The following CCNE1 variants were observed in gnomAD, a reference collection of about 807,000 sequenced individuals.
CCNE1 encodes cyclin E1.
In CCNE1, 8 loss-of-function variants were observed where a neutral mutation model predicts 54.1. The observed-to-expected ratio is 0.15, with a 90% CI of 0.09 to 0.27. The LOEUF (loss-of-function observed/expected upper bound fraction) is 0.27, where lower values mean the gene tolerates loss of function less well. Ranked by LOEUF, CCNE1 falls within the 10% of genes least tolerant of loss-of-function variation. The pLI is 1.00. For synonymous variants in CCNE1, 179 were observed against 185.2 expected, an observed-to-expected ratio of 0.97 and a Z score of 0.27; for missense variants, 430 against 514.9, an observed-to-expected ratio of 0.84 and a Z score of 1.60.
Position 29,822,536 on chromosome 19 carries a change from A to G in CCNE1, c.1043A>G (p.His348Arg). 1 of 1,614,134 alleles carries G rather than the reference A, an allele frequency of 6.2e-7. No homozygotes were observed. Among genetic ancestry groups the G allele is most frequent in the Non-Finnish European group, 8.5e-7 (1 of 1,180,022 alleles). The change falls in exon 11 of 12, where the codon CAC becomes CGC. Residue 348 changes from histidine (H) to arginine (R), a missense_variant. Around this residue, in one of 2 missense-constraint regions of CCNE1, gnomAD observed 303 missense variants for 401.1 expected, o/e 0.76. Transcript: ENST00000262643. ...IRETGSSKLK[H>R]FRGVADEDAH... ...GAGACGGGGAGCTCAAAACTGAAGC[A>G]CTTCAGGGGCGTCGCTGATGAAGAT...
Position 29,812,682 on chromosome 19 carries a change from T to G in CCNE1, c.24-7T>G, listed in dbSNP as rs1315818283. ...CTCACCCGGCCCGGTGCCACCCGGG[T>G]CCACAGGGATGCGAAGGAGCGGGAC... On this transcript the variant is annotated splice_region_variant and splice_polypyrimidine_tract_variant and intron_variant, in intron 2 of 11. Transcript: ENST00000262643. The G allele has an allele frequency of 1.9e-6, 3 of 1,580,852 alleles. No individual in the cohort carries two copies. Among genetic ancestry groups the G allele is most frequent in the Non-Finnish European group, 2.6e-6 (3 of 1,165,678 alleles).
chr19:29,821,546 T>C (rs918293192), intron 7 of CCNE1, among the ~76,000 whole-genome samples, 176 bp from the exon 8 acceptor site: 12 of 117,482 alleles, frequency 1.0e-4, no homozygotes, highest in Admixed American at 3.1e-4. Flanking sequence ...GGAGTTGTGT[T>C]CTTTTTTTTT....
At position 29,812,516 on chromosome 19, in the gene CCNE1, C is replaced by T. The variant is rs1310763192; in HGVS notation, c.-24-16C>T. ...GGCCTGACCCCGCCGCCGCCTCACC[C>T]CGCGCCGCCCCGCAGGCCTCAGGCC... On this transcript the variant is annotated splice_polypyrimidine_tract_variant and intron_variant, in intron 1 of 11. Coordinates refer to ENST00000262643, the MANE Select transcript of CCNE1 (RefSeq NM_001238.4). The T allele has an allele frequency of 7.0e-6, 9 of 1,290,036 alleles. No homozygotes were observed. The highest frequency in any genetic ancestry group is 8.8e-6 in the Non-Finnish European group (9 of 1,026,436). 79.9% of individuals were successfully genotyped at this position (1,290,036 alleles called of 1,614,324 possible).
chr19:29,814,049 G>A (rs1291798951), intron 4 of CCNE1, among the ~76,000 whole-genome samples: 1 of 152,176 alleles, frequency 6.6e-6, no homozygotes, highest in Non-Finnish European at 1.5e-5. Context: ...AATAGCAGTT[G>A]TCACTGCATG....
At chr19:29,819,842 A>G (rs1033902993) in intron 6 of CCNE1, among the ~76,000 whole-genome samples, 3 of 152,182 alleles carry the variant, frequency 2.0e-5, no homozygotes, top group Admixed American at 6.5e-5. Flanking sequence ...GCTTCATGAA[A>G]ACATGTAGAA....
rs1392404768 is a variant in CCNE1 at position 29,822,535 on chromosome 19, C to T, written c.1042C>T (p.His348Tyr). 1 of 1,614,114 alleles carries T rather than the reference C, an allele frequency of 6.2e-7. No individual in the cohort carries two copies. Residue 348 changes from histidine to tyrosine, a missense_variant, in exon 11 of 12, where the codon CAC becomes TAC. His to Tyr is a moderately conservative substitution (Grantham distance 83). Coordinates refer to ENST00000262643, the MANE Select transcript of CCNE1 (RefSeq NM_001238.4). ...GGAGACGGGGAGCTCAAAACTGAAG[C>T]ACTTCAGGGGCGTCGCTGATGAAGA... ...IRETGSSKLK[H>Y]FRGVADEDAH...
intron 2 of CCNE1, 48 bp from the exon 3 acceptor site, chr19:29,812,641 G>A: frequency 6.4e-7 from 1 of 1,554,690 alleles, no homozygotes; most frequent in Non-Finnish European, 8.7e-7. Flanking sequence ...GCGTGGGGGA[G>A]GGGCGGCCGC....
intron 4 of CCNE1, among the ~76,000 whole-genome samples, chr19:29,816,563 G>A (rs995568684): frequency 1.6e-4 from 25 of 152,074 alleles, no homozygotes; most frequent in African/African-American, 5.1e-4. Context: ...TGTTTGTTTC[G>A]AGTTAAGGAA....
In CCNE1 at chr19:29,820,798, C is replaced by T. The variant is rs761652754; in HGVS notation, c.559C>T (p.Leu187Phe). Residue 187 changes from leucine to phenylalanine, a missense_variant, in exon 7 of 12, where the codon CTT becomes TTT. Leu to Phe is a conservative substitution (Grantham distance 22, BLOSUM62 0). This residue lies in a region of CCNE1 where 303 missense variants were observed against 401.1 expected (regional missense o/e 0.76). Coordinates refer to ENST00000262643, the MANE Select transcript of CCNE1 (RefSeq NM_001238.4). The part of the protein sequence containing the change: ...MATQENVVKT[L>F]LQLIGISSLF... ...GACACAAGAAAATGTTGTAAAAACT[C>T]TTTTACAGCTTATTGGGATTTCATC... 1 of 1,599,636 alleles carries T rather than the reference C, an allele frequency of 6.3e-7. No homozygotes were observed. Among genetic ancestry groups the T allele is most frequent in the Non-Finnish European group, 8.6e-7 (1 of 1,169,332 alleles).
At position 29,823,828 on chromosome 19, in the gene CCNE1, C is replaced by T. The variant is rs765772570; in HGVS notation, c.*51C>T. The T allele has an allele frequency of 1.2e-5, 18 of 1,548,486 alleles. No individual in the cohort carries two copies. The Admixed American group carries it at 2.3e-4, about 20-fold the overall frequency. Reference sequence around the variant, plus strand: ...CAGTTGCGCGCCTGCTCCACGTTCTCTTCTGTCTGTTGCAGCGGAGGCGTG... The same window carrying T: ...CAGTTGCGCGCCTGCTCCACGTTCTTTTCTGTCTGTTGCAGCGGAGGCGTG... On this transcript the variant is annotated 3_prime_UTR_variant, in exon 12 of 12. Transcript: ENST00000262643.
At chr19:29,813,448 G>T in intron 4 of CCNE1, 1 of 176,962 alleles carries the variant, frequency 5.7e-6, no homozygotes, top group South Asian at 1.5e-4. Flanking sequence ...GAGGGTTCCT[G>T]GGTGTTTATA....
In CCNE1 at chr19:29,823,743, G is replaced by C; in HGVS notation, c.1199G>C (p.Gly400Ala). The C allele has an allele frequency of 6.2e-7, 1 of 1,614,068 alleles. No homozygotes were observed. The highest frequency in any genetic ancestry group is 1.7e-4 in the Middle Eastern group (1 of 6,058). Residue 400 changes from glycine (G) to alanine (A), a missense_variant, in exon 12 of 12, where the codon GGT (glycine) becomes GCT (alanine). By Grantham distance (60) the Gly-to-Ala change is moderately conservative. Around this residue, in one of 2 missense-constraint regions of CCNE1, gnomAD observed 303 missense variants for 401.1 expected, o/e 0.76. Coordinates refer to ENST00000262643, the MANE Select transcript of CCNE1 (RefSeq NM_001238.4). ...GGGCTCCTCACCCCGCCACAGAGCG[G>C]TAAGAAGCAGAGCAGCGGGCCGGAA... ...PSGLLTPPQSGKKQSSGPEMA is the reference protein window; with the variant it reads ...PSGLLTPPQSAKKQSSGPEMA
intron 4 of CCNE1, among the ~76,000 whole-genome samples, chr19:29,815,090 A>C (rs1387726396): frequency 6.6e-6 from 1 of 152,164 alleles, no homozygotes; most frequent in East Asian, 1.9e-4. Flanking sequence ...ATTCTACCTC[A>C]TCCACTGGTC....
intron 2 of CCNE1, 37 bp from the exon 3 acceptor site, chr19:29,812,652 G>A (rs2145714846): frequency 1.3e-6 from 2 of 1,562,998 alleles, no homozygotes; most frequent in East Asian, 2.3e-5. Flanking sequence ...GGGCGGCCGC[G>A]GGTGCTCACC....
At chr19:29,821,685 G>T in intron 7 of CCNE1, 37 bp from the exon 8 acceptor site, 1 of 1,196,466 alleles carries the variant, frequency 8.4e-7, no homozygotes, top group Non-Finnish European at 1.2e-6. Context: ...GTTAGAGATT[G>T]GCTTTGGTGC....
chr19:29,812,779 G>A lies in CCNE1; in HGVS notation c.111+3G>A. 1 of 1,583,312 alleles carries A rather than the reference G, an allele frequency of 6.3e-7. No individual in the cohort carries two copies. The highest frequency in any genetic ancestry group is 8.6e-7 in the Non-Finnish European group (1 of 1,167,836). On this transcript the variant is annotated splice_donor_region_variant and intron_variant, in intron 3 of 11. Coordinates refer to ENST00000262643, the MANE Select transcript of CCNE1 (RefSeq NM_001238.4). ...AGAGGAAGGCAAACGTGACCGTTGT[G>A]AGTACAAAAGAGACAGGTTGGGGAG...
At chr19:29,823,589 T>A in intron 11 of CCNE1, 66 bp from the exon 12 acceptor site, 1 of 1,384,868 alleles carries the variant, frequency 7.2e-7, no homozygotes, top group Non-Finnish European at 9.7e-7. Context: ...AGAAAAAGCC[T>A]ATGGTAATTG....
rs1973914742 is a variant in CCNE1 at position 29,812,527 on chromosome 19, C to A, written c.-24-5C>A. The A allele has an allele frequency of 3.0e-6, 4 of 1,339,656 alleles. No individual in the cohort carries two copies. Among genetic ancestry groups the A allele is most frequent in the Non-Finnish European group, 3.8e-6 (4 of 1,053,886 alleles). The allele number at this position is 1,339,656 out of a possible 1,614,324, so 83.0% of individuals were successfully genotyped here. A position where few individuals can be genotyped will look rare whatever the true frequency, so the allele number is the denominator to read the frequency against. ...GCCGCCGCCTCACCCCGCGCCGCCC[C>A]GCAGGCCTCAGGCCGGAGCAGCCCC... On this transcript the variant is annotated splice_polypyrimidine_tract_variant and splice_region_variant and intron_variant, in intron 1 of 11. Transcript: ENST00000262643.
intron 4 of CCNE1, among the ~76,000 whole-genome samples, chr19:29,815,188 C>A (rs191849934): frequency 4.6e-5 from 7 of 152,360 alleles, no homozygotes; most frequent in African/African-American, 1.7e-4. Context: ...TGTCCAAAGG[C>A]CTGCTCTCAG....
Sources: allele counts gnomAD v4.1 joint callset (sites outside exome capture counted in the v4.1 genomes callset), GRCh38; gene constraint gnomAD v4.1.1; regional missense constraint gnomAD v4.1.1; transcripts MANE v1.5; gene names NCBI Gene and HGNC (gene_info 2026-07-23, HGNC 2026-07-21).